The following CFHR5 variants were observed in gnomAD, a reference collection of about 807,000 sequenced individuals.
CFHR5 encodes the protein complement factor H related 5, also known as complement factor H-related protein 5.
In CFHR5, 73 loss-of-function variants were observed where a neutral mutation model predicts 62.9. The observed-to-expected ratio is 1.16, with a 90% CI of 0.96 to 1.41. The LOEUF is 1.41. Ranked by LOEUF, CFHR5 falls within the 40% of genes most tolerant of loss-of-function variation. CFHR5 has a pLI of 0.00. For synonymous variants in CFHR5, 249 were observed against 227.2 expected (o/e 1.10, Z -0.86); for missense variants, 779 against 679.9 (o/e 1.15, Z -1.62).
rs3748557 is a variant in CFHR5, at chr1:196,977,739, T to A, written c.58+17T>A. On this transcript the variant is annotated intron_variant, in intron 1 of 9. Transcript: ENST00000256785. Reference sequence around the variant, plus strand: ...GGGGAGAAGGTAAGTTGAAAACAGATCCGAATATTTTAGTTCCTTTTCAAA... The same window carrying A: ...GGGGAGAAGGTAAGTTGAAAACAGAACCGAATATTTTAGTTCCTTTTCAAA... The A allele has an allele frequency of 0.21, 339,655 of 1,585,286 alleles. 38,437 individuals are homozygous for A. Among genetic ancestry groups the A allele is most frequent in the Middle Eastern group, 0.25 (1,526 of 5,998 alleles).
intron 4 of CFHR5, among the ~76,000 whole-genome samples, chr1:196,994,906 C>T (rs1313573157): frequency 1.3e-5 from 2 of 152,016 alleles, no homozygotes; most frequent in Admixed American, 6.6e-5. Context: ...CTTTATAAAA[C>T]CATCAGAGCT....
intron 9 of CFHR5, among the ~76,000 whole-genome samples, chr1:197,005,390 A>AT (rs1200799309): frequency 2.0e-5 from 3 of 151,972 alleles, no homozygotes; most frequent in Non-Finnish European, 2.9e-5. Context: ...TTTTCACCCT[A>AT]TTTTTTTCTA....
intron 9 of CFHR5, among the ~76,000 whole-genome samples, chr1:197,005,588 A>G (rs1654264797): frequency 6.6e-6 from 1 of 152,186 alleles, no homozygotes; most frequent in South Asian, 2.1e-4. Flanking sequence ...GGGCGAATTA[A>G]TAACACCAAT....
intron 7 of CFHR5, among the ~76,000 whole-genome samples, chr1:197,000,208 G>C (rs1273231243): frequency 1.3e-5 from 2 of 152,052 alleles, no homozygotes; most frequent in Non-Finnish European, 2.9e-5. Context: ...GTTTTGAGAA[G>C]AGCTGGTAGC....
chr1:196,993,946 A>G lies in CFHR5; in HGVS notation c.431-134A>G, dbSNP rs1276364121. ...TTTATTGGGTATAAATAATTAGTCTATATGTTTTCTCGAAGGCAAGAATAT... is the reference window on the plus strand; with the variant it reads ...TTTATTGGGTATAAATAATTAGTCTGTATGTTTTCTCGAAGGCAAGAATAT... On this transcript the variant is annotated intron_variant, in intron 3 of 9. Transcript: ENST00000256785. 7 of 706,032 alleles carry G rather than the reference A, an allele frequency of 9.9e-6. 1 individual carries two copies. The East Asian group carries it at 1.1e-4, about 11-fold the overall frequency. 43.7% of individuals were successfully genotyped at this position (706,032 alleles called of 1,614,324 possible). A position where few individuals can be genotyped will look rare whatever the true frequency, so the allele number is the denominator to read the frequency against.
intron 1 of CFHR5, among the ~76,000 whole-genome samples, chr1:196,979,290 A>T (rs1653476401): frequency 8.0e-6 from 1 of 124,308 alleles, no homozygotes; most frequent in African/African-American, 3.8e-5. Context: ...GTGTGTGTAC[A>T]CTCATACATC....
chr1:197,001,834 G>A (rs1558289872), intron 7 of CFHR5, among the ~76,000 whole-genome samples: 2 of 151,802 alleles, frequency 1.3e-5, no homozygotes, highest in Non-Finnish European at 2.9e-5. Context: ...AAAAACATGA[G>A]ATGAAGGAGA....
chr1:197,002,134 A>G (rs952865161), intron 7 of CFHR5, among the ~76,000 whole-genome samples: 3 of 152,146 alleles, frequency 2.0e-5, no homozygotes, highest in South Asian at 2.1e-4. Context: ...TTCAATGTAC[A>G]TAACTTTTTG....
At chr1:197,002,439 T>A in intron 7 of CFHR5, 43 bp from the exon 8 acceptor site, 1 of 1,511,398 alleles carries the variant, frequency 6.6e-7, no homozygotes, top group Non-Finnish European at 9.1e-7. Flanking sequence ...CTGTTTTTAC[T>A]TAACTTTTAT....
chr1:196,986,358 C>T (rs953184441), intron 3 of CFHR5, among the ~76,000 whole-genome samples: 1 of 150,988 alleles, frequency 6.6e-6, no homozygotes, highest in African/African-American at 2.4e-5. Flanking sequence ...TGGCCAAGAT[C>T]GATTATTTTC....
At chr1:197,008,224 G>A (rs1291196736) in intron 9 of CFHR5, among the ~76,000 whole-genome samples, 2 of 151,300 alleles carry the variant, frequency 1.3e-5, no homozygotes, top group Admixed American at 1.3e-4. Context: ...ACTCATACTG[G>A]CAGGATGCAT....
Position 197,002,656 on chromosome 1 carries a change from G to T in CFHR5, c.1322G>T (p.Arg441Leu). 9 of 1,612,014 alleles carry T rather than the reference G, an allele frequency of 5.6e-6. No homozygotes were observed. Among genetic ancestry groups the T allele is most frequent in the Non-Finnish European group, 6.8e-6 (8 of 1,178,406 alleles). The change falls in exon 8 of 10, where the codon CGC (arginine) becomes CTC (leucine). Residue 441 changes from arginine to leucine, a missense_variant. Arg to Leu is a moderately radical substitution (Grantham distance 102). Transcript: ENST00000256785. Reference sequence around the variant, plus strand: ...GATGGACGATGGCAATCATTACCACGCTGTGTTGGTTAGTAGTTTATTTCT... The same window carrying T: ...GATGGACGATGGCAATCATTACCACTCTGTGTTGGTTAGTAGTTTATTTCT... ...CKDGRWQSLP[R>L]CVESTAYCGP...
chr1:196,976,798 T>C (rs1270525904), upstream of CFHR5, among the ~76,000 whole-genome samples: 4 of 144,114 alleles, frequency 2.8e-5, no homozygotes, highest in African/African-American at 1.1e-4. Flanking sequence ...CAAAAATTAT[T>C]CTTTTTTTTT....
At chr1:197,002,709 T>G (rs1457234468) in intron 8 of CFHR5, 45 bp downstream of exon 8, 1 of 1,459,538 alleles carries the variant, frequency 6.9e-7, no homozygotes, top group South Asian at 1.2e-5. Flanking sequence ...AAGAGGTTAT[T>G]AATCCCCTTT....
chr1:197,005,620 A>T (rs994993358), intron 9 of CFHR5, among the ~76,000 whole-genome samples: 6 of 152,082 alleles, frequency 3.9e-5, no homozygotes, highest in African/African-American at 1.5e-4. Flanking sequence ...CATGAACGTC[A>T]GTTTACTCTA....
At position 196,977,673 on chromosome 1, in the gene CFHR5, C is replaced by G. The variant is rs1466873444; in HGVS notation, c.9C>G (p.Leu3=). Residue 3 remains leucine, a synonymous_variant, in exon 1 of 10, where the codon CTC becomes CTG. Coordinates refer to ENST00000256785, the MANE Select transcript of CFHR5 (RefSeq NM_030787.4). ML[L]LFSVILISWV... Reference sequence around the variant, plus strand: ...GATTGAGACTACCAAGCATGTTGCTCTTATTCAGTGTAATCCTAATCTCAT... The same window carrying G: ...GATTGAGACTACCAAGCATGTTGCTGTTATTCAGTGTAATCCTAATCTCAT... The G allele has an allele frequency of 6.2e-7, 1 of 1,612,634 alleles. No individual in the cohort carries two copies. The highest frequency in any genetic ancestry group is 8.5e-7 in the Non-Finnish European group (1 of 1,178,824).
intron 4 of CFHR5, among the ~76,000 whole-genome samples, chr1:196,994,895 C>T (rs570525245): frequency 2.6e-5 from 4 of 152,116 alleles, no homozygotes; most frequent in African/African-American, 9.6e-5. Flanking sequence ...GGGAAACCTC[C>T]CTTTATAAAA....
intron 4 of CFHR5, among the ~76,000 whole-genome samples, chr1:196,994,517 G>A (rs545924321): frequency 6.6e-6 from 1 of 152,094 alleles, no homozygotes; most frequent in South Asian, 2.1e-4. Context: ...AGACGTCTTA[G>A]GATTTTTCCA....
At chr1:196,978,928 G>C (rs1653466256) in intron 1 of CFHR5, among the ~76,000 whole-genome samples, 1 of 152,082 alleles carries the variant, frequency 6.6e-6, no homozygotes, top group Non-Finnish European at 1.5e-5. Context: ...CCAGTCCCAG[G>C]ATAAACTTTA....
Sources: allele counts gnomAD v4.1 joint callset (sites outside exome capture counted in the v4.1 genomes callset), GRCh38; gene constraint gnomAD v4.1.1; transcripts MANE v1.5; gene names NCBI Gene and HGNC (gene_info 2026-07-23, HGNC 2026-07-21).